BEST3: variants seen among roughly 807,000 people sequenced by gnomAD.
BEST3 encodes bestrophin-3.
A neutral mutation model predicts 47.1 loss-of-function variants in BEST3; 50 were observed. That is an observed-to-expected ratio of 1.06 (90% CI 0.85 to 1.34). The LOEUF is 1.34. Among genes scored for constraint, BEST3 ranks in the 40% most tolerant of loss-of-function variants. The pLI, the probability that BEST3 is intolerant of heterozygous loss-of-function variation, is 0.00. For missense variants in BEST3, 765 were observed against 817.0 expected (o/e 0.94, Z 0.78); for synonymous variants, 282 against 298.8 (o/e 0.94, Z 0.58).
chr12:69,673,003 C>G, intron 7 of BEST3, 38 bp from the exon 8 acceptor site: 3 of 1,479,542 alleles, frequency 2.0e-6, no homozygotes, highest in Non-Finnish European at 2.8e-6. Context: ...ATCATGATAC[C>G]TGTGAAAACT....
intron 4 of BEST3, 23 bp downstream of exon 4, chr12:69,693,651 G>T: frequency 6.5e-7 from 1 of 1,541,876 alleles, no homozygotes; most frequent in South Asian, 1.1e-5. Context: ...AGAGCCCATG[G>T]AAGGAAAAGC....
intron 4 of BEST3, among the ~76,000 whole-genome samples, chr12:69,687,663 C>A (rs75742437): frequency 3.6e-3 from 453 of 126,542 alleles, no homozygotes; most frequent in Admixed American, 4.4e-3. Flanking sequence ...GAACGTGTCT[C>A]AAAAAAAAAA....
At chr12:69,649,072 G>C (rs1278846426), downstream of BEST3, among the ~76,000 whole-genome samples, 1 of 152,174 alleles carries the variant, frequency 6.6e-6, no homozygotes, top group East Asian at 1.9e-4. Flanking sequence ...TCAGTTCACT[G>C]CAACCTCTGC....
intron 9 of BEST3, chr12:69,659,997 A>G (rs1262170133): frequency 6.6e-6 from 1 of 152,120 alleles, no homozygotes; most frequent in Non-Finnish European, 1.5e-5. Flanking sequence ...CAGGGATAAA[A>G]TTTGAGCACT....
At chr12:69,648,858 A>C (rs74793652), downstream of BEST3, among the ~76,000 whole-genome samples, 1 of 152,220 alleles carries the variant, frequency 6.6e-6, no homozygotes, top group African/African-American at 2.4e-5. Context: ...TCCTTTCTAC[A>C]TAAAGTACCA....
chr12:69,648,640 C>G (rs1253396695), downstream of BEST3, among the ~76,000 whole-genome samples: 1 of 152,142 alleles, frequency 6.6e-6, no homozygotes, highest in Non-Finnish European at 1.5e-5. Context: ...GGACACTCAG[C>G]TTTAGCGGAA....
chr12:69,654,817 A>G lies in BEST3; in HGVS notation c.*90T>C, dbSNP rs1381560555. ...TGTGATCATGTTTTTTAAAAAGTCG[A>G]CCAGCCTTCAGGTATGTCCTGGGCC... is the stretch of plus-strand genomic sequence containing the variant. On this transcript the variant is annotated 3_prime_UTR_variant, in exon 10 of 10. Transcript: ENST00000330891. 1.1e-5 allele frequency: 17 copies of G among 1,501,346 alleles called. No individual in the cohort carries two copies. The highest frequency in any genetic ancestry group is 1.4e-5 in the Non-Finnish European group (16 of 1,126,908). 93.0% of individuals were successfully genotyped at this position (1,501,346 alleles called of 1,614,324 possible). A position where few individuals can be genotyped will look rare whatever the true frequency, so the allele number is the denominator to read the frequency against.
chr12:69,689,972 T>C (rs1885850344), intron 4 of BEST3, among the ~76,000 whole-genome samples: 1 of 151,960 alleles, frequency 6.6e-6, no homozygotes, highest in Admixed American at 6.6e-5. Context: ...AAAATAAGCA[T>C]CCCAGAAAAG....
At chr12:69,699,042 T>C (rs1565847564) in intron 1 of BEST3, among the ~76,000 whole-genome samples, 163 bp downstream of exon 1, 1 of 152,240 alleles carries the variant, frequency 6.6e-6, no homozygotes, top group Non-Finnish European at 1.5e-5. Flanking sequence ...CATTTCATAA[T>C]TTGTTCTCAT....
At chr12:69,697,195 A>G (rs1040300342) in intron 2 of BEST3, among the ~76,000 whole-genome samples, 4 of 152,194 alleles carry the variant, frequency 2.6e-5, no homozygotes, top group African/African-American at 9.7e-5. Flanking sequence ...TTCCAGGCCA[A>G]AAGAAGGAAA....
In BEST3 at chr12:69,647,664, A is replaced by G. The variant is rs202072774; in HGVS notation, c.1101-3877T>C. 1.4e-4 allele frequency among the ~76,000 whole-genome samples: 22 copies of G among 152,354 alleles called. No homozygotes were observed. In the East Asian group the frequency reaches 4.0e-3, roughly 28 times the overall value. On this transcript the variant is annotated intron_variant, in intron 9 of 9. Transcript: ENST00000331471. The stretch of plus-strand genomic sequence containing the variant: ...CTTAACACTGTAAAGGAAATAGGAC[A>G]AAAAATGTAGGCGAATATCATGGGA...
chr12:69,651,516 T>C (rs988077391), downstream of BEST3, among the ~76,000 whole-genome samples: 31 of 152,124 alleles, frequency 2.0e-4, no homozygotes, highest in African/African-American at 7.5e-4. Context: ...CTCATGCCTA[T>C]AATCCCAGCA....
intron 9 of BEST3, among the ~76,000 whole-genome samples, chr12:69,647,721 T>C (rs986740925): frequency 3.3e-5 from 5 of 152,130 alleles, no homozygotes; most frequent in African/African-American, 9.7e-5. Flanking sequence ...CATACAAAAC[T>C]TCAAAAGCAT....
intron 4 of BEST3, chr12:69,683,655 A>G (rs556141757): frequency 6.6e-6 from 1 of 152,394 alleles, no homozygotes; most frequent in South Asian, 2.1e-4. Flanking sequence ...ACCAATGTTT[A>G]TCTTACATAT....
chr12:69,678,864 A>G lies in BEST3; in HGVS notation c.511T>C (p.Phe171Leu). ...AGATGAGGAGACTTGAGGTGGTTGAATAATTTCCTTTCATCTGTTGTCATA... is the reference window on the plus strand; with the variant it reads ...AGATGAGGAGACTTGAGGTGGTTGAGTAATTTCCTTTCATCTGTTGTCATA... Reference protein sequence around the residue: ...GFMTTDERKLFNHLKSPHLKY... With the variant: ...GFMTTDERKLLNHLKSPHLKY... Residue 171 changes from phenylalanine (F) to leucine (L), a missense_variant, in exon 5 of 10, where the codon TTC (phenylalanine) becomes CTC (leucine). Phe to Leu is a conservative substitution (Grantham distance 22). Transcript: ENST00000330891. 6.2e-7 allele frequency: 1 copy of G among 1,614,018 alleles called. No individual in the cohort carries two copies. The highest frequency in any genetic ancestry group is 1.1e-5 in the South Asian group (1 of 91,068).
chr12:69,684,198 C>T (rs1404395033), intron 4 of BEST3: 2 of 193,758 alleles, frequency 1.0e-5, no homozygotes, highest in Non-Finnish European at 2.1e-5. Context: ...GTTTCTCTTG[C>T]TATCGCTTTT....
chr12:69,684,538 C>G (rs1209460909), intron 4 of BEST3: 1 of 666,906 alleles, frequency 1.5e-6, no homozygotes, highest in African/African-American at 1.8e-5. Context: ...AAACGAGGCT[C>G]TATTAGCAGA....
intron 9 of BEST3, chr12:69,669,615 A>G (rs912054202): frequency 1.3e-5 from 2 of 152,178 alleles, no homozygotes; most frequent in Non-Finnish European, 2.9e-5. Context: ...GACATCCACA[A>G]ATAAAGCTTG....
intron 9 of BEST3, among the ~76,000 whole-genome samples, chr12:69,656,634 C>CAGTGAGGTATTACTGTATTACTATAA (rs1883519734): frequency 6.6e-6 from 1 of 152,104 alleles, no homozygotes; most frequent in African/African-American, 2.4e-5. Context: ...CATTACAATA[C>CAGTGAGGTATTACTGTATTACTATAA]AGTGAGGTAT....
Sources: gnomAD v4.1 joint callset for allele counts (sites outside exome capture counted in the v4.1 genomes callset) on GRCh38, gnomAD v4.1.1 for gene constraint, MANE v1.5 for transcripts, NCBI Gene and HGNC (gene_info 2026-07-23, HGNC 2026-07-21) for gene names.